Variants in GLI3 observed in about 807,000 individuals in gnomAD.
The protein encoded by GLI3 is GLI family zinc finger 3, also known as transcription activator GLI3.
Under a neutral mutation model 100.8 loss-of-function variants are expected in GLI3, and 20 were observed. That is an observed-to-expected ratio of 0.20 (90% CI 0.14 to 0.29). The LOEUF (loss-of-function observed/expected upper bound fraction) is 0.29, where lower values mean the gene tolerates loss of function less well. Among genes scored for constraint, GLI3 ranks in the 10% least tolerant of loss-of-function variants. The probability of loss-of-function intolerance (pLI) is 1.00; values close to 1 mark genes in which losing one functional copy is unlikely to be tolerated. For synonymous variants in GLI3, 938 were observed against 860.5 expected, an observed-to-expected ratio of 1.09 and a Z score of -1.58; for missense variants, 2,040 against 2,128.5, an observed-to-expected ratio of 0.96 and a Z score of 0.82.
chr7:42,202,699 G>A, intron 2 of GLI3, among the ~76,000 whole-genome samples: 1 of 152,164 alleles, frequency 6.6e-6, no homozygotes, highest in Non-Finnish European at 1.5e-5. Context: ...ATCGTCTTTT[G>A]CCAGTGTCCT....
chr7:42,011,770 G>A (rs1242872177), intron 10 of GLI3, among the ~76,000 whole-genome samples: 1 of 152,178 alleles, frequency 6.6e-6, no homozygotes, highest in East Asian at 1.9e-4. Flanking sequence ...GAGGGGGAAT[G>A]GGAGGTAACC....
At chr7:42,075,251 A>G (rs1051773755) in intron 4 of GLI3, among the ~76,000 whole-genome samples, 4 of 152,222 alleles carry the variant, frequency 2.6e-5, no homozygotes, top group Non-Finnish European at 5.9e-5. Context: ...CTAGAACATC[A>G]TTTCTGAAAG....
rs887425332 is a variant in GLI3 at position 41,961,304 on chromosome 7, C to T, written c.*3026G>A. The T allele has an allele frequency of 3.3e-5, 5 of 152,446 alleles. No homozygotes were observed. Among genetic ancestry groups the T allele is most frequent in the Admixed American group, 2.0e-4 (3 of 15,276 alleles). 9.4% of individuals were successfully genotyped at this position (152,446 alleles called of 1,614,324 possible). On this transcript the variant is annotated 3_prime_UTR_variant, in exon 15 of 15. Coordinates refer to ENST00000395925, the MANE Select transcript of GLI3 (RefSeq NM_000168.6). ...GGGTAACTTGTCAGAAGAGAACATC[C>T]TCCTATCAGTTCAAAACAACACATG... is the stretch of plus-strand genomic sequence containing the variant.
chr7:42,008,737 G>T (rs1788528652), intron 10 of GLI3, among the ~76,000 whole-genome samples: 1 of 152,190 alleles, frequency 6.6e-6, no homozygotes, highest in African/African-American at 2.4e-5. Context: ...GATACTTTGA[G>T]TGTAATTCTA....
chr7:42,013,524 C>A (rs1044663783), intron 10 of GLI3, among the ~76,000 whole-genome samples: 1 of 152,010 alleles, frequency 6.6e-6, no homozygotes, highest in South Asian at 2.1e-4. Context: ...TCACCATGTT[C>A]GGCTAAATTA....
intron 2 of GLI3, among the ~76,000 whole-genome samples, chr7:42,173,294 C>T (rs1583620807): frequency 6.6e-6 from 1 of 152,118 alleles, no homozygotes; most frequent in Non-Finnish European, 1.5e-5. Context: ...TTTTCTCTCT[C>T]TTCATGTCCC....
At chr7:42,083,411 T>C (rs1472634110) in intron 3 of GLI3, among the ~76,000 whole-genome samples, 3 of 152,268 alleles carry the variant, frequency 2.0e-5, no homozygotes, top group African/African-American at 7.2e-5. Context: ...TGTGTATATG[T>C]ACCACATTTT....
intron 10 of GLI3, among the ~76,000 whole-genome samples, chr7:42,004,003 CAT>C (rs1788382419): frequency 1.3e-5 from 2 of 152,224 alleles, no homozygotes; most frequent in Middle Eastern, 3.4e-3. Context: ...TGATTTAAGA[CAT>C]AGAAATATAT....
At chr7:41,993,590 G>A (rs1376927212) in intron 10 of GLI3, among the ~76,000 whole-genome samples, 5 of 152,272 alleles carry the variant, frequency 3.3e-5, no homozygotes, top group Admixed American at 2.0e-4. Flanking sequence ...CACAGCCAGG[G>A]ATTTTTATCA....
chr7:42,246,707 ATATCTT>A (rs988567761), intron 1 of GLI3, among the ~76,000 whole-genome samples: 2 of 151,510 alleles, frequency 1.3e-5, no homozygotes, highest in African/African-American at 4.9e-5. Context: ...TCTCTAAATA[ATATCTT>A]TATGGCAGTC....
chr7:42,245,400 G>A (rs1444318432), intron 1 of GLI3, among the ~76,000 whole-genome samples: 1 of 152,184 alleles, frequency 6.6e-6, no homozygotes, highest in African/African-American at 2.4e-5. Flanking sequence ...GGAATTTTAA[G>A]ATCTACCTTC....
At chr7:42,030,574 A>G (rs1789257025) in intron 7 of GLI3, among the ~76,000 whole-genome samples, 1 of 152,232 alleles carries the variant, frequency 6.6e-6, no homozygotes, top group South Asian at 2.1e-4. Context: ...GATTAAAGAT[A>G]TCAGAATTAA....
At chr7:42,028,732 C>A (rs2128733202) in intron 7 of GLI3, among the ~76,000 whole-genome samples, 1 of 151,298 alleles carries the variant, frequency 6.6e-6, no homozygotes, top group South Asian at 2.1e-4. Flanking sequence ...CCACTGCACT[C>A]CAGCCTGGGT....
chr7:42,221,792 T>TA (rs1788491940), intron 2 of GLI3, among the ~76,000 whole-genome samples: 4 of 152,238 alleles, frequency 2.6e-5, no homozygotes, highest in African/African-American at 9.6e-5. Flanking sequence ...ATGCCTTCTA[T>TA]AACCACATTG....
intron 2 of GLI3, among the ~76,000 whole-genome samples, chr7:42,213,331 T>C (rs1788307458): frequency 6.6e-6 from 1 of 152,242 alleles, no homozygotes; most frequent in Non-Finnish European, 1.5e-5. Context: ...CTCAGCATGT[T>C]CTCCTCTGAA....
intron 3 of GLI3, among the ~76,000 whole-genome samples, chr7:42,116,028 C>T (rs1785845513): frequency 6.6e-6 from 1 of 152,132 alleles, no homozygotes; most frequent in Non-Finnish European, 1.5e-5. Flanking sequence ...ACAGAGCAGC[C>T]TGGGCAACAC....
At chr7:42,074,708 C>T (rs1006846029) in intron 4 of GLI3, among the ~76,000 whole-genome samples, 4 of 152,184 alleles carry the variant, frequency 2.6e-5, no homozygotes, top group African/African-American at 9.6e-5. Context: ...TAAAACCAGG[C>T]AGTCCCAGGA....
intron 3 of GLI3, among the ~76,000 whole-genome samples, chr7:42,095,857 A>G (rs1785326050): frequency 6.6e-6 from 1 of 152,136 alleles, no homozygotes; most frequent in Admixed American, 6.5e-5. Context: ...ACAGGAGTGG[A>G]TGGTGACATC....
chr7:42,141,538 G>A (rs1401719149), intron 3 of GLI3, among the ~76,000 whole-genome samples: 1 of 152,096 alleles, frequency 6.6e-6, no homozygotes, highest in Non-Finnish European at 1.5e-5. Context: ...CAGGCGAGGT[G>A]GCACATGTCT....
Sources: gnomAD v4.1 joint callset for allele counts (sites outside exome capture counted in the v4.1 genomes callset) on GRCh38, gnomAD v4.1.1 for gene constraint, MANE v1.5 for transcripts, NCBI Gene and HGNC (gene_info 2026-07-23, HGNC 2026-07-21) for gene names.